Variants in STXBP2 observed in about 807,000 individuals in gnomAD.
STXBP2 encodes syntaxin binding protein 2.
A neutral mutation model predicts 72.2 loss-of-function variants in STXBP2; 47 were observed. The ratio of observed to expected loss-of-function variants is 0.65; its 90% CI spans 0.51 to 0.83. STXBP2 has a LOEUF of 0.83. Among genes scored for constraint, STXBP2 ranks in the 40% least tolerant of loss-of-function variants. The pLI is 0.00. For synonymous variants in STXBP2, 367 were observed against 338.7 expected (o/e 1.08, Z -0.92); for missense variants, 702 against 807.6 (o/e 0.87, Z 1.58).
intron 6 of STXBP2, among the ~76,000 whole-genome samples, chr19:7,641,464 G>T (rs780859158): frequency 6.6e-6 from 1 of 152,176 alleles, no homozygotes; most frequent in Non-Finnish European, 1.5e-5. Flanking sequence ...GCCCTTGCAG[G>T]GGGCAGCGTA....
chr19:7,643,227 G>A lies in STXBP2; in HGVS notation c.1089G>A (p.Lys363=). Residue 363 remains lysine (K), a synonymous_variant, in exon 13 of 19, where the codon AAG becomes AAA. Coordinates refer to ENST00000221283, the MANE Select transcript of STXBP2 (RefSeq NM_006949.4). ...AGCACTTCAAGGGCTCGGTGGAGAA[G>A]CTGTGTAGTGTGGAGCAGGTGGGGC... is the stretch of plus-strand genomic sequence containing the variant. ...CMKHFKGSVE[K]LCSVEQDLAM... is the part of the protein sequence containing the mutation. 1.9e-6 allele frequency: 3 copies of A among 1,613,900 alleles called. No homozygotes were observed. The highest frequency in any genetic ancestry group is 2.5e-6 in the Non-Finnish European group (3 of 1,180,034).
rs1027617794 is a variant in STXBP2, at chr19:7,640,916, G to C, written c.342G>C (p.Leu114=). The stretch of plus-strand genomic sequence containing the variant: ...TCACCCCAGCCTGCCCCGAGCCCCT[G>C]TTCAGTGAGCTAGGCCGCTCTCGTC... ...IFFTDTCPEP[L]FSELGRSRLA... is the part of the protein sequence containing the mutation. The change falls in exon 6 of 19, where the codon CTG becomes CTC. Residue 114 remains leucine, a synonymous_variant. Coordinates refer to ENST00000221283, the MANE Select transcript of STXBP2 (RefSeq NM_006949.4). 8 of 1,614,208 alleles carry C rather than the reference G, an allele frequency of 5.0e-6. No homozygotes were observed. The highest frequency in any genetic ancestry group is 1.3e-5 in the African/African-American group (1 of 75,050).
intron 16 of STXBP2, 32 bp from the exon 17 acceptor site, chr19:7,647,130 G>A: frequency 1.2e-6 from 2 of 1,609,176 alleles, no homozygotes; most frequent in Non-Finnish European, 8.5e-7. Context: ...CATGCCTGGG[G>A]TTCCTCCCCT....
chr19:7,638,829 T>C, intron 2 of STXBP2, 54 bp downstream of exon 2: 1 of 1,610,700 alleles, frequency 6.2e-7, no homozygotes. Context: ...ATCAGGCCTA[T>C]GGGGAAGACC....
intron 14 of STXBP2, 93 bp downstream of exon 14, chr19:7,644,845 C>A (rs947488264): frequency 6.3e-7 from 1 of 1,588,898 alleles, no homozygotes; most frequent in Non-Finnish European, 8.6e-7. Context: ...CTCCTTGGGT[C>A]ATTTGCACTC....
intron 2 of STXBP2, 87 bp from the exon 3 acceptor site, chr19:7,638,932 G>T (rs982486399): frequency 1.3e-6 from 2 of 1,578,596 alleles, no homozygotes; most frequent in African/African-American, 2.7e-5. Flanking sequence ...CCTTGAAACT[G>T]CCCCTCCCAC....
At position 7,640,698 on chromosome 19, in the gene STXBP2, G is replaced by T. The variant is rs539662987; in HGVS notation, c.247-33G>T. 1.1e-5 allele frequency: 18 copies of T among 1,614,096 alleles called. 1 individual carries two copies. In the South Asian group the frequency reaches 2.0e-4, roughly 18 times the overall value. On this transcript the variant is annotated intron_variant, in intron 4 of 18. Coordinates refer to ENST00000221283, the MANE Select transcript of STXBP2 (RefSeq NM_006949.4). Reference sequence around the variant, plus strand: ...GCAGCCAATGAGCCTAGGTGTGCAGGCTCAGGCCCAGAGAGTGATCCACCT... The same window carrying T: ...GCAGCCAATGAGCCTAGGTGTGCAGTCTCAGGCCCAGAGAGTGATCCACCT...
chr19:7,646,365 G>A, intron 16 of STXBP2, 21 bp downstream of exon 16: 1 of 1,586,358 alleles, frequency 6.3e-7, no homozygotes, highest in Non-Finnish European at 8.6e-7. Flanking sequence ...GCAGGTCAGG[G>A]TGGGGGCCAG....
Position 7,642,147 on chromosome 19 carries a change from G to C in STXBP2, c.663+29G>C. 10 of 1,614,032 alleles carry C rather than the reference G, an allele frequency of 6.2e-6. No homozygotes were observed. Among genetic ancestry groups the C allele is most frequent in the Non-Finnish European group, 8.5e-6 (10 of 1,179,974 alleles). ...AGGGGGCGTGCTTGGGAGGTGAGGG[G>C]CAGCCCCAACCGGCTCAGGGTCAGT... On this transcript the variant is annotated intron_variant, in intron 8 of 18. Transcript: ENST00000221283. The surrounding 1 kb of genome is among the most constrained non-coding windows in gnomAD (Gnocchi z 6.0).
At chr19:7,644,284 G>A (rs112384057) in intron 13 of STXBP2, 159 of 297,284 alleles carry the variant, frequency 5.3e-4, no homozygotes, top group Non-Finnish European at 6.4e-4. Context: ...GAGGGGTGGA[G>A]CCTCGGAGAG....
chr19:7,635,005 A>C (rs2031471561), upstream of STXBP2, among the ~76,000 whole-genome samples: 1 of 152,090 alleles, frequency 6.6e-6, no homozygotes, highest in Non-Finnish European at 1.5e-5. Flanking sequence ...GGCCTACTCT[A>C]CTCCAGTGTG....
In STXBP2 at chr19:7,638,780, G is replaced by C. The variant is rs751976366; in HGVS notation, c.87+5G>C. The stretch of plus-strand genomic sequence containing the variant: ...AAGAAGGATGGGGAGTGGAAGGTAG[G>C]GGTGAGGCAGATGGCTGGGTACCCA... On this transcript the variant is annotated splice_donor_5th_base_variant and intron_variant, in intron 2 of 18. Coordinates refer to ENST00000221283, the MANE Select transcript of STXBP2 (RefSeq NM_006949.4). 1 of 1,614,174 alleles carries C rather than the reference G, an allele frequency of 6.2e-7. No homozygotes were observed. The highest frequency in any genetic ancestry group is 1.1e-5 in the South Asian group (1 of 91,084).
intron 3 of STXBP2, 85 bp downstream of exon 3, chr19:7,639,185 G>A: frequency 3.5e-6 from 5 of 1,422,048 alleles, no homozygotes; most frequent in Non-Finnish European, 4.9e-6. Flanking sequence ...GCCCTTGAGT[G>A]TAGGATCCCC....
chr19:7,640,330 GTA>G, intron 4 of STXBP2: 1 of 558,004 alleles, frequency 1.8e-6, no homozygotes, highest in Non-Finnish European at 3.3e-6. Flanking sequence ...GTGTGCGTGT[GTA>G]TGCGTGTGTG....
Position 7,642,574 on chromosome 19 carries a change from C to A in STXBP2, c.902+38C>A, listed in dbSNP as rs770954903. Reference sequence around the variant, plus strand: ...GGGGACCGGATCCCCCCCCCACCGCCCACTGTGGGCCTGGTAGCGGCCTTG... The same window carrying A: ...GGGGACCGGATCCCCCCCCCACCGCACACTGTGGGCCTGGTAGCGGCCTTG... On this transcript the variant is annotated intron_variant, in intron 10 of 18. Coordinates refer to ENST00000221283, the MANE Select transcript of STXBP2 (RefSeq NM_006949.4). This position sits in a 1 kb window ranked among gnomAD's most constrained non-coding sequence, Gnocchi z 6.0. The A allele has an allele frequency of 6.2e-7, 1 of 1,603,690 alleles. No individual in the cohort carries two copies. The highest frequency in any genetic ancestry group is 8.5e-7 in the Non-Finnish European group (1 of 1,170,960).
At chr19:7,633,327 G>C (rs1599381586), upstream of STXBP2, 14 of 1,345,092 alleles carry the variant, frequency 1.0e-5, no homozygotes, top group East Asian at 3.3e-4. Flanking sequence ...TCGTTAATTA[G>C]GTGCCCTACA....
At chr19:7,629,858 C>T in the STXBP2 span, 1 of 1,534,328 alleles carries the variant, frequency 6.5e-7, no homozygotes, top group Non-Finnish European at 8.7e-7. Flanking sequence ...GGAGATATTT[C>T]GGGTCAGTGG....
chr19:7,643,448 C>A lies in STXBP2; in HGVS notation c.1107+203C>A, dbSNP rs375070813. 6.0e-5 allele frequency among the ~76,000 whole-genome samples: 9 copies of A among 150,008 alleles called. 1 individual carries two copies. Among genetic ancestry groups the A allele is most frequent in the Admixed American group, 5.3e-4 (8 of 15,098 alleles). ...TCCTAGGATGAGGGTGTGGCCTGTG[C>A]ATAGGTGGATGGGGCTTGGAGAGGT... On this transcript the variant is annotated intron_variant, in intron 13 of 18. Transcript: ENST00000221283.
upstream of STXBP2, chr19:7,633,684 T>C: frequency 1.7e-6 from 1 of 581,134 alleles, no homozygotes; most frequent in Non-Finnish European, 3.1e-6. Context: ...CAGGGCGACC[T>C]GAGCTTGGAC....
Sources: gnomAD v4.1 joint callset for allele counts (sites outside exome capture counted in the v4.1 genomes callset) on GRCh38, gnomAD v4.1.1 for gene constraint, Gnocchi (gnomAD v3.1) non-coding constraint, MANE v1.5 for transcripts, NCBI Gene and HGNC (gene_info 2026-07-23, HGNC 2026-07-21) for gene names.